QKI: variants seen among roughly 807,000 people sequenced by gnomAD.
QKI encodes the protein KH domain-containing RNA-binding protein QKI.
Under a neutral mutation model 39.0 loss-of-function variants are expected in QKI, and 10 were observed. The observed-to-expected ratio is 0.26, with a 90% CI of 0.16 to 0.43. QKI has a LOEUF of 0.43. Among genes scored for constraint, QKI ranks in the 20% least tolerant of loss-of-function variants. The pLI is 1.00. For synonymous variants in QKI, 204 were observed against 155.4 expected (o/e 1.31, Z -2.33); for missense variants, 218 against 428.0 (o/e 0.51, Z 4.33).
intron 2 of QKI, among the ~76,000 whole-genome samples, chr6:163,465,833 A>C (rs1791699701): frequency 6.6e-6 from 1 of 151,940 alleles, no homozygotes; most frequent in African/African-American, 2.4e-5. Context: ...TTCAAAAAAG[A>C]GATTAAGAGG....
intron 6 of QKI, chr6:163,564,340 C>G (rs945840049): frequency 9.2e-7 from 1 of 1,086,336 alleles, no homozygotes; most frequent in African/African-American, 1.6e-5. Flanking sequence ...TACTACACAC[C>G]TAGGCTGTGT....
At position 163,481,095 on chromosome 6, in the gene QKI, A is replaced by C. The variant is rs185425984; in HGVS notation, c.402+2199A>C. On this transcript the variant is annotated intron_variant, in intron 3 of 7. Coordinates refer to ENST00000361752, the MANE Select transcript of QKI (RefSeq NM_006775.3). ...TGGAATGCTTGGCCATTTGGTAAAG[A>C]ACATGAAAAGAGATGGAAACAAAAA... 7.5e-3 allele frequency among the ~76,000 whole-genome samples: 1,135 copies of C among 152,336 alleles called. 3 individuals are homozygous for C. Among genetic ancestry groups the C allele is most frequent in the South Asian group, 0.013 (64 of 4,828 alleles).
chr6:163,417,461 A>G (rs2128206084), intron 1 of QKI, among the ~76,000 whole-genome samples: 1 of 152,290 alleles, frequency 6.6e-6, no homozygotes, highest in South Asian at 2.1e-4. Flanking sequence ...TGCGTTCTTT[A>G]GTTTTAAAAG....
chr6:163,423,641 G>C (rs1788181583), intron 1 of QKI: 1 of 152,336 alleles, frequency 6.6e-6, no homozygotes, highest in Admixed American at 6.5e-5. Context: ...TGATATGCTG[G>C]TTTTGAACAA....
In QKI at chr6:163,563,499, A is replaced by G; in HGVS notation, c.714A>G (p.Pro238=). The stretch of plus-strand genomic sequence containing the variant: ...CTGGGCCTGCGCCGGTTCTCCCACC[A>G]GCTGCCCTGCGTACTCCTACGCCAG... ...IITGPAPVLP[P]AALRTPTPAG... is the part of the protein sequence containing the mutation. The change falls in exon 6 of 8, where the codon CCA becomes CCG. Residue 238 remains proline (P), a synonymous_variant. Coordinates refer to ENST00000361752, the MANE Select transcript of QKI (RefSeq NM_006775.3). The G allele has an allele frequency of 1.2e-6, 2 of 1,614,164 alleles. No homozygotes were observed. Among genetic ancestry groups the G allele is most frequent in the Non-Finnish European group, 8.5e-7 (1 of 1,180,016 alleles).
chr6:163,489,959 T>TC (rs1265927971), intron 3 of QKI, among the ~76,000 whole-genome samples: 2 of 152,096 alleles, frequency 1.3e-5, no homozygotes, highest in African/African-American at 4.8e-5. Context: ...CATATATATC[T>TC]CCCCCTCTTC....
chr6:163,564,752 C>T (rs750274021), intron 6 of QKI: 49 of 1,613,528 alleles, frequency 3.0e-5, no homozygotes, highest in East Asian at 2.7e-4. Context: ...TGTTATAACA[C>T]GACCAGTCAA....
At chr6:163,482,904 T>C (rs1048359859) in intron 3 of QKI, among the ~76,000 whole-genome samples, 1 of 152,056 alleles carries the variant, frequency 6.6e-6, no homozygotes, top group Non-Finnish European at 1.5e-5. Context: ...TCCTTAGAGG[T>C]TGGGGAATGA....
At chr6:163,463,656 G>T (rs992695682) in intron 2 of QKI, among the ~76,000 whole-genome samples, 2 of 152,108 alleles carry the variant, frequency 1.3e-5, no homozygotes, top group African/African-American at 4.8e-5. Flanking sequence ...ACAAATTCAC[G>T]TGAGGAAGAT....
At chr6:163,443,137 C>T (rs542390145) in intron 1 of QKI, among the ~76,000 whole-genome samples, 6 of 152,278 alleles carry the variant, frequency 3.9e-5, no homozygotes, top group African/African-American at 1.4e-4. Flanking sequence ...ATTACTTTGA[C>T]ATTTGAAGGC....
chr6:163,494,954 C>T (rs1231853374), intron 3 of QKI, among the ~76,000 whole-genome samples: 1 of 151,434 alleles, frequency 6.6e-6, no homozygotes, highest in Non-Finnish European at 1.5e-5. Flanking sequence ...CACACTCTGT[C>T]GTCCAGGCTG....
intron 1 of QKI, among the ~76,000 whole-genome samples, chr6:163,420,268 A>G (rs1258896538): frequency 6.8e-6 from 1 of 146,726 alleles, no homozygotes; most frequent in Non-Finnish European, 1.5e-5. Context: ...AACTTTTTAT[A>G]AACTGGAACT....
In QKI at chr6:163,474,787, T is replaced by TAAAAAAA. The variant is rs35897463; in HGVS notation, c.286-3979_286-3973dup. ...TGAGACCTGATGTCTACAAAAAAGT[T>TAAAAAAA]AAAAAAAAAAAAAAAAAAAAGCCAG... On this transcript the variant is annotated intron_variant, in intron 2 of 7. Coordinates refer to ENST00000361752, the MANE Select transcript of QKI (RefSeq NM_006775.3). Among the ~76,000 whole-genome samples, 2 of 108,630 alleles carry TAAAAAAA rather than the reference T, an allele frequency of 1.8e-5. 1 individual carries two copies. Among genetic ancestry groups the TAAAAAAA allele is most frequent in the Non-Finnish European group, 3.6e-5 (2 of 55,792 alleles). 71.3% of individuals were successfully genotyped at this position (108,630 alleles called of 152,430 possible). A position where few individuals can be genotyped will look rare whatever the true frequency, so the allele number is the denominator to read the frequency against.
intron 1 of QKI, among the ~76,000 whole-genome samples, chr6:163,434,571 C>T (rs1789098114): frequency 6.6e-6 from 1 of 151,898 alleles, no homozygotes; most frequent in African/African-American, 2.4e-5. Context: ...AAAAATTAGC[C>T]GGGCGTGGTG....
chr6:163,475,913 A>G (rs1400150187), intron 2 of QKI, among the ~76,000 whole-genome samples: 2 of 152,210 alleles, frequency 1.3e-5, no homozygotes, highest in African/African-American at 4.8e-5. Context: ...TTCAGTCATC[A>G]TAAGACACCA....
intron 3 of QKI, among the ~76,000 whole-genome samples, chr6:163,522,406 G>A (rs1001649021): frequency 3.3e-5 from 5 of 152,046 alleles, no homozygotes; most frequent in African/African-American, 1.2e-4. Flanking sequence ...AAGATTACAG[G>A]GGCACTGAAA....
At chr6:163,566,102 A>T (rs992975074) in intron 6 of QKI, 12 of 1,478,836 alleles carry the variant, frequency 8.1e-6, no homozygotes, top group Non-Finnish European at 7.2e-6. Flanking sequence ...GCACATAGAT[A>T]TAAAGTAAAA....
intron 3 of QKI, among the ~76,000 whole-genome samples, chr6:163,489,949 C>CT (rs1444507065): frequency 6.6e-6 from 1 of 152,048 alleles, no homozygotes; most frequent in East Asian, 1.9e-4. Flanking sequence ...TCCATCAAAC[C>CT]ATATATATCT....
chr6:163,460,832 A>G (rs1008240259), intron 2 of QKI, among the ~76,000 whole-genome samples: 13 of 152,138 alleles, frequency 8.5e-5, no homozygotes, highest in Admixed American at 7.2e-4. Flanking sequence ...TCCTTTTTCA[A>G]TACCCAGGTT....
Sources: allele counts gnomAD v4.1 joint callset (sites outside exome capture counted in the v4.1 genomes callset), GRCh38; gene constraint gnomAD v4.1.1; transcripts MANE v1.5; gene names NCBI Gene and HGNC (gene_info 2026-07-23, HGNC 2026-07-21).